Variants in LDLRAD3 observed in about 807,000 individuals in gnomAD.
LDLRAD3 encodes low-density lipoprotein receptor class A domain-containing protein 3.
Under a neutral mutation model 29.4 loss-of-function variants are expected in LDLRAD3, and 20 were observed. The ratio of observed to expected loss-of-function variants is 0.68; its 90% CI spans 0.48 to 0.99. LDLRAD3 has a LOEUF of 0.99. LDLRAD3 is among the 50% of genes least tolerant of loss of function. The pLI is 0.00. For missense variants in LDLRAD3, 420 were observed against 454.3 expected, an observed-to-expected ratio of 0.92 and a Z score of 0.69; for synonymous variants, 157 against 192.7, an observed-to-expected ratio of 0.81 and a Z score of 1.53.
chr11:36,182,532 G>C (rs1854780260), intron 4 of LDLRAD3, among the ~76,000 whole-genome samples: 1 of 152,080 alleles, frequency 6.6e-6, no homozygotes, highest in East Asian at 1.9e-4. Flanking sequence ...CTCCTCATTT[G>C]ATTTCCCCTT....
chr11:35,948,329 G>A (rs2133122212), intron 1 of LDLRAD3, among the ~76,000 whole-genome samples: 1 of 152,016 alleles, frequency 6.6e-6, no homozygotes, highest in East Asian at 1.9e-4. Flanking sequence ...CCCTCTTTCT[G>A]TCTTCAAAAT....
At chr11:36,043,306 T>C (rs1565181364) in intron 2 of LDLRAD3, among the ~76,000 whole-genome samples, 2 of 152,218 alleles carry the variant, frequency 1.3e-5, no homozygotes, top group Non-Finnish European at 2.9e-5. Context: ...AGTGAGACCG[T>C]ATCTCAAAAC....
chr11:36,205,206 G>C (rs186532684), intron 4 of LDLRAD3, among the ~76,000 whole-genome samples: 2 of 152,178 alleles, frequency 1.3e-5, no homozygotes, highest in African/African-American at 4.8e-5. Flanking sequence ...TGTGTTCTCC[G>C]TGGGGCCGGG....
Position 35,972,089 on chromosome 11 carries a change from G to C in LDLRAD3, c.46+27945G>C, listed in dbSNP as rs144185978. ...AGATCTGGGCAGGGATGGGGATTTG[G>C]AAAGTACTGGCATCTAGATGACCAC... is the stretch of plus-strand genomic sequence containing the variant. On this transcript the variant is annotated intron_variant, in intron 1 of 5. Coordinates refer to ENST00000315571, the MANE Select transcript of LDLRAD3 (RefSeq NM_174902.4). 3.0e-3 allele frequency among the ~76,000 whole-genome samples: 452 copies of C among 152,210 alleles called. 1 individual carries two copies. Among genetic ancestry groups the C allele is most frequent in the African/African-American group, 0.011 (439 of 41,524 alleles).
At chr11:36,145,482 G>A (rs1382477555) in intron 4 of LDLRAD3, among the ~76,000 whole-genome samples, 1 of 147,148 alleles carries the variant, frequency 6.8e-6, no homozygotes, top group African/African-American at 2.6e-5. Flanking sequence ...TCTCTGCCCG[G>A]CCACCACCCC....
intron 4 of LDLRAD3, among the ~76,000 whole-genome samples, chr11:36,128,864 A>AG (rs1235642172): frequency 6.6e-6 from 1 of 151,794 alleles, no homozygotes; most frequent in African/African-American, 2.4e-5. Flanking sequence ...AAAAAAAAAA[A>AG]AAGAGAGAAA....
chr11:36,201,602 G>T (rs1431216563), intron 4 of LDLRAD3, among the ~76,000 whole-genome samples: 1 of 152,186 alleles, frequency 6.6e-6, no homozygotes, highest in East Asian at 1.9e-4. Context: ...GAATAATTAG[G>T]CGTGGATTTT....
chr11:36,029,521 C>T (rs1320173477), intron 1 of LDLRAD3, among the ~76,000 whole-genome samples: 1 of 152,118 alleles, frequency 6.6e-6, no homozygotes, highest in Non-Finnish European at 1.5e-5. Context: ...CCCGATGGCT[C>T]TGCAAACCCC....
intron 1 of LDLRAD3, among the ~76,000 whole-genome samples, chr11:36,028,702 A>T (rs921414049): frequency 3.9e-5 from 6 of 152,170 alleles, no homozygotes; most frequent in African/African-American, 4.8e-5. Context: ...ATTACAGAAA[A>T]TTGTTCCCAA....
At chr11:36,229,136 G>A in intron 5 of LDLRAD3, 24 bp from the exon 6 acceptor site, 1 of 1,516,400 alleles carries the variant, frequency 6.6e-7, no homozygotes, top group South Asian at 1.1e-5. Context: ...CATTGCCCCT[G>A]CCCCCCTGCT....
At chr11:36,001,200 CTGTTTT>C (rs1851819613) in intron 1 of LDLRAD3, 1 of 152,124 alleles carries the variant, frequency 6.6e-6, no homozygotes, top group Non-Finnish European at 1.5e-5. Context: ...AGTCTGTATT[CTGTTTT>C]TGTTTTTATT....
At chr11:36,140,801 A>T (rs965931585) in intron 4 of LDLRAD3, among the ~76,000 whole-genome samples, 11 of 152,228 alleles carry the variant, frequency 7.2e-5, no homozygotes, top group Non-Finnish European at 2.9e-5. Flanking sequence ...AGTATTAAAA[A>T]TAGACTTTCA....
At chr11:36,010,928 C>T (rs937237845) in intron 1 of LDLRAD3, among the ~76,000 whole-genome samples, 15 of 152,162 alleles carry the variant, frequency 9.9e-5, no homozygotes, top group Non-Finnish European at 2.1e-4. Flanking sequence ...GCCTCAGCCT[C>T]CTGAGTAGCT....
intron 1 of LDLRAD3, among the ~76,000 whole-genome samples, chr11:35,998,093 G>GACTCCCCC (rs1394763046): frequency 1.3e-5 from 2 of 152,174 alleles, no homozygotes; most frequent in African/African-American, 4.8e-5. Flanking sequence ...GTTAACATGG[G>GACTCCCCC]ACTCCCCCAG....
chr11:36,150,064 C>T (rs1854255609), intron 4 of LDLRAD3, among the ~76,000 whole-genome samples: 1 of 152,184 alleles, frequency 6.6e-6, no homozygotes, highest in Non-Finnish European at 1.5e-5. Context: ...CTTTCTTGAA[C>T]TATCCACCAG....
At chr11:36,104,280 C>T (rs1032145281) in intron 4 of LDLRAD3, among the ~76,000 whole-genome samples, 1 of 152,208 alleles carries the variant, frequency 6.6e-6, no homozygotes. Context: ...CTCCCCTAGT[C>T]AAACAGAGAC....
intron 4 of LDLRAD3, among the ~76,000 whole-genome samples, chr11:36,128,852 GAA>G (rs11347605): frequency 0.2 from 27,818 of 139,486 alleles, 3,105 homozygotes; most frequent in East Asian, 0.33. Flanking sequence ...GTGTCTCAAG[GAA>G]AAAAAAAAAA....
At chr11:35,947,985 A>C (rs181517203) in intron 1 of LDLRAD3, among the ~76,000 whole-genome samples, 5 of 152,268 alleles carry the variant, frequency 3.3e-5, no homozygotes, top group African/African-American at 1.2e-4. Flanking sequence ...CATAAAATAC[A>C]TCTCAATCCT....
At chr11:36,198,778 C>G (rs1554973079) in intron 4 of LDLRAD3, among the ~76,000 whole-genome samples, 1 of 152,214 alleles carries the variant, frequency 6.6e-6, no homozygotes, top group Non-Finnish European at 1.5e-5. Flanking sequence ...GGCTTTATGG[C>G]TGTGTCTGAA....
Sources: gnomAD v4.1 joint callset for allele counts (sites outside exome capture counted in the v4.1 genomes callset) on GRCh38, gnomAD v4.1.1 for gene constraint, MANE v1.5 for transcripts, NCBI Gene and HGNC (gene_info 2026-07-23, HGNC 2026-07-21) for gene names.